MBNL2: variants seen among roughly 807,000 people sequenced by gnomAD.
The protein encoded by MBNL2 is muscleblind-like protein 2.
MBNL2 carries 17 observed loss-of-function variants against 41.9 expected under a neutral mutation model. That is an observed-to-expected ratio of 0.41 (90% confidence interval 0.28 to 0.61). The LOEUF (loss-of-function observed/expected upper bound fraction) is 0.61, where lower values mean the gene tolerates loss of function less well. Ranked by LOEUF, MBNL2 falls within the 20% of genes least tolerant of loss-of-function variation. MBNL2 has a pLI of 0.35. For synonymous variants in MBNL2, 195 were observed against 182.9 expected, an observed-to-expected ratio of 1.07 and a Z score of -0.53; for missense variants, 336 against 505.6, an observed-to-expected ratio of 0.66 and a Z score of 3.22.
intron 2 of MBNL2, among the ~76,000 whole-genome samples, chr13:97,280,080 C>T (rs1041048347): frequency 6.6e-6 from 1 of 152,190 alleles, no homozygotes; most frequent in Non-Finnish European, 1.5e-5. Context: ...GTTAGGTTAA[C>T]TTGACAAAAT....
chr13:97,249,195 T>C (rs1171903380), intron 1 of MBNL2, among the ~76,000 whole-genome samples: 5 of 152,218 alleles, frequency 3.3e-5, no homozygotes, highest in Non-Finnish European at 7.3e-5. Context: ...CCAGACTTAG[T>C]GAGATAATGT....
At chr13:97,217,602 T>C (rs2040485541), upstream of MBNL2, among the ~76,000 whole-genome samples, 1 of 152,000 alleles carries the variant, frequency 6.6e-6, no homozygotes, top group Non-Finnish European at 1.5e-5. Flanking sequence ...AGAAAAGACA[T>C]GACACACCTG....
chr13:97,164,931 G>A, the MBNL2 span, among the ~76,000 whole-genome samples: 6 of 152,288 alleles, frequency 3.9e-5, no homozygotes, highest in Middle Eastern at 3.4e-3. Flanking sequence ...AAGGCTGGGC[G>A]TGGTGGCTCA....
chr13:97,235,235 G>C (rs567751483), intron 1 of MBNL2, among the ~76,000 whole-genome samples: 1 of 152,058 alleles, frequency 6.6e-6, no homozygotes, highest in East Asian at 1.9e-4. Flanking sequence ...CTCTGTACTA[G>C]TATTAGTTTT....
At chr13:97,171,666 C>T in the MBNL2 span, among the ~76,000 whole-genome samples, 4 of 152,132 alleles carry the variant, frequency 2.6e-5, no homozygotes, top group Admixed American at 2.0e-4. Context: ...TACCTAGATT[C>T]CTGCAGTCAG....
upstream of MBNL2, among the ~76,000 whole-genome samples, chr13:97,221,281 G>C (rs185567639): frequency 6.6e-6 from 1 of 152,094 alleles, no homozygotes; most frequent in East Asian, 1.9e-4. Flanking sequence ...GGTATTTAGG[G>C]GAGGAAAATG....
intron 2 of MBNL2, among the ~76,000 whole-genome samples, chr13:97,282,559 C>T (rs1449689733): frequency 6.6e-6 from 1 of 152,086 alleles, no homozygotes; most frequent in African/African-American, 2.4e-5. Context: ...TGGTTTTTGT[C>T]CAAGGCATTG....
At chr13:97,226,401 T>C (rs1056755518) in intron 1 of MBNL2, among the ~76,000 whole-genome samples, 4 of 152,242 alleles carry the variant, frequency 2.6e-5, no homozygotes, top group Non-Finnish European at 5.9e-5. Context: ...CATCAATCAG[T>C]CAACAAGTGT....
At chr13:97,288,137 C>T (rs1476631066) in intron 2 of MBNL2, among the ~76,000 whole-genome samples, 1 of 151,768 alleles carries the variant, frequency 6.6e-6, no homozygotes. Flanking sequence ...TTCCATAATG[C>T]CTTTACTTGG....
chr13:97,193,374 C>G, the MBNL2 span, among the ~76,000 whole-genome samples: 1 of 152,156 alleles, frequency 6.6e-6, no homozygotes, highest in Non-Finnish European at 1.5e-5. Context: ...AGTGGAAAAG[C>G]AGAACACTGA....
the MBNL2 span, among the ~76,000 whole-genome samples, chr13:97,174,995 C>A: frequency 4.1e-4 from 63 of 152,298 alleles, no homozygotes; most frequent in African/African-American, 1.5e-3. Context: ...TTACCTGTGG[C>A]AGCTGTGGAG....
At chr13:97,367,570 C>T (rs1460748008) in intron 8 of MBNL2, among the ~76,000 whole-genome samples, 1 of 152,196 alleles carries the variant, frequency 6.6e-6, no homozygotes. Context: ...CTGAGTCATG[C>T]TGCTTTCCAC....
chr13:97,205,419 T>C, the MBNL2 span, among the ~76,000 whole-genome samples: 1 of 151,716 alleles, frequency 6.6e-6, no homozygotes, highest in Non-Finnish European at 1.5e-5. Flanking sequence ...AAAAGATAAT[T>C]CAGTGGTTTC....
chr13:97,352,812 A>G (rs1395995295), intron 5 of MBNL2, among the ~76,000 whole-genome samples: 2 of 152,236 alleles, frequency 1.3e-5, no homozygotes, highest in Non-Finnish European at 2.9e-5. Flanking sequence ...ATATCAAAGT[A>G]CTAATAGTGA....
intron 1 of MBNL2, among the ~76,000 whole-genome samples, chr13:97,235,956 G>A (rs1345941044): frequency 6.6e-6 from 1 of 151,962 alleles, no homozygotes; most frequent in African/African-American, 2.4e-5. Context: ...AATAATAACC[G>A]TCAGCCTATC....
rs140371420 is a variant in MBNL2, at chr13:97,311,188, C to A, written c.175-23088C>A. ...TATGAAAGTGCAGAACTGTAAAGAG[C>A]CAGAATGGGAGGTAGAGTTAATTGT... On this transcript the variant is annotated intron_variant, in intron 2 of 8. Coordinates refer to ENST00000679496, the MANE Select transcript of MBNL2 (RefSeq NM_001382683.1). Among the ~76,000 whole-genome samples, 205 of 152,118 alleles carry A rather than the reference C, an allele frequency of 1.3e-3. 1 individual carries two copies. Among genetic ancestry groups the A allele is most frequent in the African/African-American group, 4.6e-3 (191 of 41,490 alleles).
the MBNL2 span, among the ~76,000 whole-genome samples, chr13:97,159,658 C>T: frequency 6.7e-6 from 1 of 149,526 alleles, no homozygotes; most frequent in African/African-American, 2.4e-5. Flanking sequence ...ACTTATGAAG[C>T]TTAGTTTGGC....
intron 1 of MBNL2, among the ~76,000 whole-genome samples, chr13:97,243,884 A>G (rs1405551077): frequency 4.6e-5 from 7 of 152,142 alleles, no homozygotes; most frequent in Admixed American, 2.6e-4. Flanking sequence ...TTTTGTTATC[A>G]TTCATCAGAA....
At chr13:97,331,547 G>A (rs2060442078) in intron 2 of MBNL2, among the ~76,000 whole-genome samples, 1 of 152,090 alleles carries the variant, frequency 6.6e-6, no homozygotes, top group Non-Finnish European at 1.5e-5. Context: ...TTTAACTATT[G>A]CTAATGAATA....
Sources: gnomAD v4.1 joint callset for allele counts (sites outside exome capture counted in the v4.1 genomes callset) on GRCh38, gnomAD v4.1.1 for gene constraint, MANE v1.5 for transcripts, NCBI Gene and HGNC (gene_info 2026-07-23, HGNC 2026-07-21) for gene names.